Variants in KCNQ5 observed in about 807,000 individuals in gnomAD.
KCNQ5 encodes the protein potassium voltage-gated channel subfamily KQT member 5.
KCNQ5 carries 30 observed loss-of-function variants against 98.2 expected under a neutral mutation model. That is an observed-to-expected ratio of 0.31 (90% CI 0.23 to 0.41). The LOEUF (loss-of-function observed/expected upper bound fraction) is 0.41, where lower values mean the gene tolerates loss of function less well. Among genes scored for constraint, KCNQ5 ranks in the 10% least tolerant of loss-of-function variants. The probability of loss-of-function intolerance (pLI) is 1.00; values close to 1 mark genes in which losing one functional copy is unlikely to be tolerated. For synonymous variants in KCNQ5, 458 were observed against 449.4 expected, an observed-to-expected ratio of 1.02 and a Z score of -0.24; for missense variants, 835 against 1,182.5, an observed-to-expected ratio of 0.71 and a Z score of 4.31.
At chr6:72,625,728 G>C (rs1392227105) in intron 1 of KCNQ5, among the ~76,000 whole-genome samples, 1 of 152,152 alleles carries the variant, frequency 6.6e-6, no homozygotes, top group African/African-American at 2.4e-5. Flanking sequence ...CCCAAGCTAG[G>C]AGCTCTGAAG....
chr6:73,026,524 C>G (rs1770897616), intron 2 of KCNQ5, among the ~76,000 whole-genome samples: 1 of 152,142 alleles, frequency 6.6e-6, no homozygotes, highest in Non-Finnish European at 1.5e-5. Context: ...TTCCCAGCAC[C>G]TTCATCCTCT....
At position 73,008,341 on chromosome 6, in the gene KCNQ5, C is replaced by T. The variant is rs1032040153; in HGVS notation, c.489+4343C>T. Among the ~76,000 whole-genome samples, 4 of 152,024 alleles carry T rather than the reference C, an allele frequency of 2.6e-5. No individual in the cohort carries two copies. The South Asian group carries it at 8.3e-4, about 32-fold the overall frequency. The stretch of plus-strand genomic sequence containing the variant: ...GCAGAATTGATAAAAATACATCATT[C>T]AACTGTGTATATGCTTAGTACAAGA... On this transcript the variant is annotated intron_variant, in intron 2 of 13. Coordinates refer to ENST00000370398, the MANE Select transcript of KCNQ5 (RefSeq NM_019842.4).
Position 72,905,720 on chromosome 6 carries a change from T to C in KCNQ5, c.399-98188T>C, listed in dbSNP as rs185395609. 7.9e-5 allele frequency among the ~76,000 whole-genome samples: 12 copies of C among 152,238 alleles called. No homozygotes were observed. In the East Asian group the frequency reaches 2.3e-3, roughly 29 times the overall value. On this transcript the variant is annotated intron_variant, in intron 1 of 13. Coordinates refer to ENST00000370398, the MANE Select transcript of KCNQ5 (RefSeq NM_019842.4). Reference sequence around the variant, plus strand: ...ACAGGTTCCAGGCTAGTACTGTGGGTTGTCTGCATGGAGTTCTATGATGTG... The same window carrying C: ...ACAGGTTCCAGGCTAGTACTGTGGGCTGTCTGCATGGAGTTCTATGATGTG...
chr6:73,003,572 C>G (rs941112069), intron 1 of KCNQ5, among the ~76,000 whole-genome samples: 12 of 152,032 alleles, frequency 7.9e-5, no homozygotes, highest in Non-Finnish European at 1.8e-4. Flanking sequence ...AGAGCAAGAA[C>G]ATACTTTCTG....
chr6:72,798,333 C>G (rs762969684), intron 1 of KCNQ5, among the ~76,000 whole-genome samples: 8 of 152,122 alleles, frequency 5.3e-5, no homozygotes, highest in African/African-American at 1.9e-4. Flanking sequence ...TAATCCCCAA[C>G]GCAACAATGT....
intron 1 of KCNQ5, among the ~76,000 whole-genome samples, chr6:72,909,686 C>A (rs907578974): frequency 6.6e-6 from 1 of 152,142 alleles, no homozygotes; most frequent in African/African-American, 2.4e-5. Flanking sequence ...AGATAAGACC[C>A]TCACTCATCA....
chr6:72,936,848 G>A (rs1428967683), intron 1 of KCNQ5, among the ~76,000 whole-genome samples: 3 of 152,144 alleles, frequency 2.0e-5, no homozygotes, highest in Non-Finnish European at 4.4e-5. Flanking sequence ...TGGGCTTGAT[G>A]ACTTCCAGTT....
intron 6 of KCNQ5, among the ~76,000 whole-genome samples, chr6:73,105,750 G>A (rs1343974880): frequency 1.3e-5 from 2 of 152,142 alleles, no homozygotes; most frequent in Non-Finnish European, 2.9e-5. Flanking sequence ...TGTGCACAAT[G>A]GAGTATTTTT....
intron 1 of KCNQ5, among the ~76,000 whole-genome samples, chr6:73,001,323 T>C (rs1769558925): frequency 6.6e-6 from 1 of 152,226 alleles, no homozygotes; most frequent in Admixed American, 6.5e-5. Context: ...TTGTAGACCA[T>C]TCCTGAAAAT....
chr6:72,686,843 C>T (rs1434326159), intron 1 of KCNQ5, among the ~76,000 whole-genome samples: 4 of 149,828 alleles, frequency 2.7e-5, no homozygotes, highest in Admixed American at 1.3e-4. Flanking sequence ...TTTAATGTTA[C>T]TCAGGTGTTC....
intron 2 of KCNQ5, among the ~76,000 whole-genome samples, chr6:73,021,036 G>T (rs1192098262): frequency 6.6e-6 from 1 of 152,056 alleles, no homozygotes; most frequent in Non-Finnish European, 1.5e-5. Flanking sequence ...GAAAAACCCA[G>T]TTCTACCACT....
At position 73,129,859 on chromosome 6, in the gene KCNQ5, AT is replaced by A. The variant is rs1776153347; in HGVS notation, c.1248-3561del. 5.0e-6 allele frequency: 8 copies of A among 1,609,970 alleles called. No individual in the cohort carries two copies. In the East Asian group the frequency reaches 1.8e-4, roughly 36 times the overall value. On this transcript the variant is annotated intron_variant, in intron 9 of 13. Coordinates refer to ENST00000370398, the MANE Select transcript of KCNQ5 (RefSeq NM_019842.4). The stretch of plus-strand genomic sequence containing the variant: ...CCTCACGGAAGCAGAGGTACCCAGC[AT>A]CCGGGCTATTGACATGAGATTTGAG...
chr6:73,113,716 G>A (rs1335505242), intron 7 of KCNQ5, among the ~76,000 whole-genome samples: 3 of 152,236 alleles, frequency 2.0e-5, no homozygotes, highest in Non-Finnish European at 2.9e-5. Context: ...AATCATTGGA[G>A]CAGAGGCATT....
chr6:72,727,529 T>C (rs1411753140), intron 1 of KCNQ5, among the ~76,000 whole-genome samples: 1 of 152,218 alleles, frequency 6.6e-6, no homozygotes, highest in Non-Finnish European at 1.5e-5. Flanking sequence ...TCTGGATTTT[T>C]TTTTTCACTT....
chr6:72,651,146 C>A (rs1323101873), intron 1 of KCNQ5, among the ~76,000 whole-genome samples: 1 of 152,028 alleles, frequency 6.6e-6, no homozygotes, highest in Non-Finnish European at 1.5e-5. Flanking sequence ...ATAGCTACCC[C>A]CTTATGGTAT....
At chr6:72,805,055 C>G (rs373943178) in intron 1 of KCNQ5, among the ~76,000 whole-genome samples, 41 of 152,170 alleles carry the variant, frequency 2.7e-4, no homozygotes, top group African/African-American at 9.9e-4. Context: ...CTTACATATT[C>G]TGATTATTAA....
chr6:73,102,991 A>G (rs1488371877), intron 5 of KCNQ5, among the ~76,000 whole-genome samples: 22 of 152,186 alleles, frequency 1.4e-4, no homozygotes, highest in Non-Finnish European at 1.5e-5. Flanking sequence ...TATCAAAGAG[A>G]TATCTGCACT....
chr6:72,724,021 T>C (rs910349506), intron 1 of KCNQ5, among the ~76,000 whole-genome samples: 1 of 152,210 alleles, frequency 6.6e-6, no homozygotes, highest in African/African-American at 2.4e-5. Context: ...TTGACACGCT[T>C]TCTTATTTAG....
chr6:72,688,318 A>T (rs1366488620), intron 1 of KCNQ5, among the ~76,000 whole-genome samples: 1 of 152,084 alleles, frequency 6.6e-6, no homozygotes, highest in African/African-American at 2.4e-5. Context: ...CTTTTAAGAG[A>T]GTTTCTTTCT....
Sources: gnomAD v4.1 joint callset for allele counts (sites outside exome capture counted in the v4.1 genomes callset) on GRCh38, gnomAD v4.1.1 for gene constraint, MANE v1.5 for transcripts, NCBI Gene and HGNC (gene_info 2026-07-23, HGNC 2026-07-21) for gene names.